The following SRCAP variants were observed in gnomAD, a reference collection of about 807,000 sequenced individuals.
SRCAP encodes Snf2 related CREBBP activator protein, also known as chromatin remodeling protein SRCAP.
Under a neutral mutation model 263.1 loss-of-function variants are expected in SRCAP, and 46 were observed. The observed-to-expected ratio is 0.17, with a 90% CI of 0.14 to 0.22. The LOEUF is 0.22. Among genes scored for constraint, SRCAP ranks in the 10% least tolerant of loss-of-function variants. The probability of loss-of-function intolerance (pLI) is 1.00; values close to 1 mark genes in which losing one functional copy is unlikely to be tolerated. For missense variants in SRCAP, 3,695 were observed against 4,181.9 expected, an observed-to-expected ratio of 0.88 and a Z score of 3.21; for synonymous variants, 1,813 against 1,662.1, an observed-to-expected ratio of 1.09 and a Z score of -2.21.
At chr16:30,722,041 G>C in intron 21 of SRCAP, 81 bp from the exon 22 acceptor site, 1 of 1,519,646 alleles carries the variant, frequency 6.6e-7, no homozygotes, top group Admixed American at 1.9e-5. Context: ...ACACTCGGGG[G>C]AGAGGTGTGC....
At chr16:30,729,936 T>G (rs1404369927) in intron 27 of SRCAP, among the ~76,000 whole-genome samples, 3 of 152,030 alleles carry the variant, frequency 2.0e-5, no homozygotes, top group Admixed American at 6.6e-5. Flanking sequence ...CCTGGCTAAT[T>G]TTTGTATTTT....
In SRCAP at chr16:30,722,275, G is replaced by A. The variant is rs755853095; in HGVS notation, c.3695G>A (p.Arg1232His). ...CGCCAGCTTGCTGTGGGGCAGCCCC[G>A]CCCGCTGCAAAGTAGGTAAAACCCA... ...QVRQLAVGQP[R>H]PLQRNVVHLV... The change falls in exon 22 of 34, where the codon CGC (arginine) becomes CAC (histidine). Residue 1232 changes from arginine to histidine, a missense_variant. This residue lies in a region of SRCAP where 1,347 missense variants were observed against 1,304.4 expected (regional missense o/e 1.03). Transcript: ENST00000262518. 9 of 1,613,616 alleles carry A rather than the reference G, an allele frequency of 5.6e-6. No individual in the cohort carries two copies. Among genetic ancestry groups the A allele is most frequent in the Admixed American group, 1.7e-5 (1 of 59,984 alleles).
Position 30,712,809 on chromosome 16 carries a change from G to A in SRCAP, c.2124G>A (p.Lys708=). The stretch of plus-strand genomic sequence containing the variant: ...GAGCCCAGAAAGAGAGGAAGCTCAA[G>A]CGGCAGGTTCGATGTTTCATGTGGT... The part of the protein sequence containing the change: ...YYGAQKERKL[K]RQGWTKPNAF... Residue 708 remains lysine, a synonymous_variant, in exon 14 of 34, where the codon AAG becomes AAA. Transcript: ENST00000262518. The A allele has an allele frequency of 1.2e-6, 2 of 1,614,104 alleles. No homozygotes were observed. Among genetic ancestry groups the A allele is most frequent in the Non-Finnish European group, 1.7e-6 (2 of 1,179,976 alleles).
At position 30,723,986 on chromosome 16, in the gene SRCAP, C is replaced by T. The variant is rs766731906; in HGVS notation, c.4562C>T (p.Pro1521Leu). 6 of 1,614,168 alleles carry T rather than the reference C, an allele frequency of 3.7e-6. No individual in the cohort carries two copies. In the Admixed American group the frequency reaches 5.0e-5, roughly 13 times the overall value. The change falls in exon 25 of 34, where the codon CCT becomes CTT. Residue 1521 changes from proline (P) to leucine (L), a missense_variant. Pro to Leu is a moderately conservative substitution (Grantham distance 98). This residue lies in a region of SRCAP where 1,347 missense variants were observed against 1,304.4 expected (regional missense o/e 1.03). Transcript: ENST00000262518. Reference sequence around the variant, plus strand: ...CCATCCCTGTCTTCATCTCAGACACCTGGTCACCCTCTGTTGTTGGCTCCC... The same window carrying T: ...CCATCCCTGTCTTCATCTCAGACACTTGGTCACCCTCTGTTGTTGGCTCCC... ...TAPSLSSSQT[P>L]GHPLLLAPTS...
chr16:30,733,463 C>A lies in SRCAP; in HGVS notation c.6297+14C>A. The stretch of plus-strand genomic sequence containing the variant: ...GAACAGAGACAGGTAACCCAGGTTT[C>A]TGCAGCTCTTAGAGGCTCACCTCCG... On this transcript the variant is annotated intron_variant, in intron 28 of 33. Coordinates refer to ENST00000262518, the MANE Select transcript of SRCAP (RefSeq NM_006662.3). The surrounding 1 kb of genome is among the most constrained non-coding windows in gnomAD (Gnocchi z 5.3). The A allele has an allele frequency of 6.2e-7, 1 of 1,614,050 alleles. No homozygotes were observed. The highest frequency in any genetic ancestry group is 8.5e-7 in the Non-Finnish European group (1 of 1,179,958).
chr16:30,727,803 C>A (rs917258251), intron 25 of SRCAP, among the ~76,000 whole-genome samples: 1 of 152,152 alleles, frequency 6.6e-6, no homozygotes, highest in South Asian at 2.1e-4. Context: ...CTGCCCGCCT[C>A]GGCCTCCCAA....
Position 30,716,174 on chromosome 16 carries a change from C to G in SRCAP, c.2602C>G (p.Leu868Val). The G allele has an allele frequency of 6.2e-7, 1 of 1,614,194 alleles. No homozygotes were observed. The highest frequency in any genetic ancestry group is 2.2e-5 in the East Asian group (1 of 44,884). ...CAGGCTCTCCAAGCGTCAACGCTGT[C>G]TCTATGATGACTTCATGGCACAGAC... Reference protein sequence around the residue: ...RCRLSKRQRCLYDDFMAQTTT... With the variant: ...RCRLSKRQRCVYDDFMAQTTT... Residue 868 changes from leucine to valine, a missense_variant, in exon 17 of 34, where the codon CTC (leucine) becomes GTC (valine). Physicochemically the swap from Leu to Val is conservative, Grantham distance 32 (BLOSUM62 1). This residue lies in a region of SRCAP where 147 missense variants were observed against 212.7 expected (regional missense o/e 0.69). Coordinates refer to ENST00000262518, the MANE Select transcript of SRCAP (RefSeq NM_006662.3).
Position 30,738,420 on chromosome 16 carries a change from C to A in SRCAP, c.8380C>A (p.Arg2794Ser). The A allele has an allele frequency of 6.4e-7, 1 of 1,552,714 alleles. No homozygotes were observed. The highest frequency in any genetic ancestry group is 8.7e-7 in the Non-Finnish European group (1 of 1,149,198). ...TGCCAGCCCGGGAAGCCCGTCTGTC[C>A]GCAGCATGTCAGGGCCAGAATCCTC... ...TSASPGSPSV[R>S]SMSGPESSPP... Residue 2794 changes from arginine (R) to serine (S), a missense_variant, in exon 34 of 34, where the codon CGC becomes AGC. Physicochemically the swap from Arg to Ser is moderately radical, Grantham distance 110. Coordinates refer to ENST00000262518, the MANE Select transcript of SRCAP (RefSeq NM_006662.3).
Position 30,722,604 on chromosome 16 carries a change from C to G in SRCAP, c.3748C>G (p.Leu1250Val), listed in dbSNP as rs1238357536. The G allele has an allele frequency of 6.2e-7, 1 of 1,614,168 alleles. No homozygotes were observed. The highest frequency in any genetic ancestry group is 1.1e-5 in the South Asian group (1 of 91,082). ...HLVSAGGQHH[L>V]ISQPAHVALI... ...CGTGTCAGCAGGGGGGCAGCACCAT[C>G]TCATCAGCCAGCCTGCCCATGTGGC... The change falls in exon 23 of 34, where the codon CTC becomes GTC. Residue 1250 changes from leucine to valine, a missense_variant. Leu to Val is a conservative substitution (Grantham distance 32, BLOSUM62 1). This residue lies in a region of SRCAP where 1,347 missense variants were observed against 1,304.4 expected (regional missense o/e 1.03). Coordinates refer to ENST00000262518, the MANE Select transcript of SRCAP (RefSeq NM_006662.3).
intron 4 of SRCAP, among the ~76,000 whole-genome samples, chr16:30,706,034 C>A (rs2052823973): frequency 6.6e-6 from 1 of 152,184 alleles, no homozygotes; most frequent in South Asian, 2.1e-4. Context: ...GGTGCCTCCT[C>A]AAGTTTGAGA....
In SRCAP at chr16:30,733,942, T is replaced by C. The variant is rs1021369900; in HGVS notation, c.6543T>C (p.Asn2181=). ...AGGAGAACATCCTAAAAAAGGCAAA[T>C]CAGAAGAGAATGTTGGGGGACATGG... is the stretch of plus-strand genomic sequence containing the variant. ...TVEENILKKA[N]QKRMLGDMAI... Residue 2181 remains asparagine (N), a synonymous_variant, in exon 30 of 34, where the codon AAT becomes AAC. Transcript: ENST00000262518. This position sits in a 1 kb window ranked among gnomAD's most constrained non-coding sequence, Gnocchi z 5.3. 6.2e-7 allele frequency: 1 copy of C among 1,613,778 alleles called. No homozygotes were observed. The highest frequency in any genetic ancestry group is 1.7e-5 in the Admixed American group (1 of 59,952).
At position 30,737,638 on chromosome 16, in the gene SRCAP, C is replaced by T; in HGVS notation, c.7598C>T (p.Ser2533Phe). Residue 2533 changes from serine (S) to phenylalanine (F), a missense_variant, in exon 34 of 34, where the codon TCT (serine) becomes TTT (phenylalanine). By Grantham distance (155) the Ser-to-Phe change is radical. This residue lies in a region of SRCAP where 1,207 missense variants were observed against 1,142.9 expected (regional missense o/e 1.06). Transcript: ENST00000262518. ...PSSPLLLGPP[S>F]VPISASVTNL... ...TCTCCTCTCTTGCTTGGTCCACCTT[C>T]TGTGCCCATCTCTGCCTCAGTCACT... 5 of 1,614,086 alleles carry T rather than the reference C, an allele frequency of 3.1e-6. No homozygotes were observed. The highest frequency in any genetic ancestry group is 4.2e-6 in the Non-Finnish European group (5 of 1,180,028).
chr16:30,720,162 C>T lies in SRCAP; in HGVS notation c.2818C>T (p.Arg940Trp), dbSNP rs889307681. 3.1e-6 allele frequency: 5 copies of T among 1,599,424 alleles called. No individual in the cohort carries two copies. Among genetic ancestry groups the T allele is most frequent in the South Asian group, 1.1e-5 (1 of 90,464 alleles). ...GACTGTGCTTTCTTTCTTGTGGCAG[C>T]GGATAGACATGGGTCGATTTGACCT... ...LRATDVHPLQ[R>W]IDMGRFDLIG... is the part of the protein sequence containing the mutation. Residue 940 changes from arginine (R) to tryptophan (W), a missense_variant and splice_region_variant, in exon 19 of 34, where the codon CGG becomes TGG. By Grantham distance (101) the Arg-to-Trp change is moderately radical. Coordinates refer to ENST00000262518, the MANE Select transcript of SRCAP (RefSeq NM_006662.3).
intron 25 of SRCAP, 129 bp from the exon 26 acceptor site, chr16:30,728,837 C>T: frequency 8.6e-7 from 1 of 1,156,164 alleles, no homozygotes; most frequent in Non-Finnish European, 1.2e-6. Context: ...ACTTGGAAAA[C>T]TACAAAAAGC....
chr16:30,737,444 T>G lies in SRCAP; in HGVS notation c.7404T>G (p.Ile2468Met). Residue 2468 changes from isoleucine (I) to methionine (M), a missense_variant, in exon 34 of 34, where the codon ATT (isoleucine) becomes ATG (methionine). Ile to Met is a conservative substitution (Grantham distance 10). Coordinates refer to ENST00000262518, the MANE Select transcript of SRCAP (RefSeq NM_006662.3). ...TCCCAGTTTCTGCCCCAGTACCCAT[T>G]TCAGCCCCAAATCCAATAACCATTC... is the stretch of plus-strand genomic sequence containing the variant. ...VPVPVSAPVP[I>M]SAPNPITILP... is the part of the protein sequence containing the mutation. The G allele has an allele frequency of 6.3e-7, 1 of 1,594,854 alleles. No individual in the cohort carries two copies. The highest frequency in any genetic ancestry group is 8.6e-7 in the Non-Finnish European group (1 of 1,169,120).
At chr16:30,715,025 A>G (rs543949753) in intron 16 of SRCAP, among the ~76,000 whole-genome samples, 14 of 151,962 alleles carry the variant, frequency 9.2e-5, no homozygotes, top group Non-Finnish European at 1.3e-4. Context: ...CTCAGTCTGC[A>G]TATCTCACAG....
In SRCAP at chr16:30,736,360, G is replaced by A. The variant is rs200940331; in HGVS notation, c.6890G>A (p.Arg2297Gln). Residue 2297 changes from arginine to glutamine, a missense_variant, in exon 32 of 34, where the codon CGG becomes CAG. Arg to Gln is a conservative substitution (Grantham distance 43). Around this residue, in one of 12 missense-constraint regions of SRCAP, gnomAD observed 91 missense variants for 150.6 expected, o/e 0.60. Coordinates refer to ENST00000262518, the MANE Select transcript of SRCAP (RefSeq NM_006662.3). The stretch of plus-strand genomic sequence containing the variant: ...GGGGCTGAGGATGAGGAGATGTCCC[G>A]GGCTGAGCAGGAAATTGCTGCCCTC... ...RPGAEDEEMS[R>Q]AEQEIAALVE... is the part of the protein sequence containing the mutation. The A allele has an allele frequency of 3.1e-6, 5 of 1,613,600 alleles. No homozygotes were observed. Among genetic ancestry groups the A allele is most frequent in the Non-Finnish European group, 4.2e-6 (5 of 1,179,744 alleles).
At chr16:30,714,338 A>T (rs577182663) in intron 16 of SRCAP, among the ~76,000 whole-genome samples, 1 of 150,874 alleles carries the variant, frequency 6.6e-6, no homozygotes, top group Non-Finnish European at 1.5e-5. Flanking sequence ...TGCTGGGATT[A>T]TAGGCATGAG....
At position 30,700,767 on chromosome 16, in the gene SRCAP, T is replaced by C; in HGVS notation, c.-58T>C. Reference sequence around the variant, plus strand: ...ACGCCAGCCCCTCGGCCAGCAGTACTGGTGATAACAACCCAGTCATTCTTC... The same window carrying C: ...ACGCCAGCCCCTCGGCCAGCAGTACCGGTGATAACAACCCAGTCATTCTTC... On this transcript the variant is annotated 5_prime_UTR_variant, in exon 3 of 34. Coordinates refer to ENST00000262518, the MANE Select transcript of SRCAP (RefSeq NM_006662.3). 6.5e-7 allele frequency: 1 copy of C among 1,541,258 alleles called. No homozygotes were observed. The highest frequency in any genetic ancestry group is 9.0e-7 in the Non-Finnish European group (1 of 1,116,212).
Sources: gnomAD v4.1 joint callset for allele counts (sites outside exome capture counted in the v4.1 genomes callset) on GRCh38, gnomAD v4.1.1 for gene constraint, gnomAD v4.1.1 regional missense constraint, Gnocchi (gnomAD v3.1) non-coding constraint, MANE v1.5 for transcripts, NCBI Gene and HGNC (gene_info 2026-07-23, HGNC 2026-07-21) for gene names.